The following MMS22L variants were observed in gnomAD, a reference collection of about 807,000 sequenced individuals.
MMS22L encodes the protein protein MMS22-like.
Under a neutral mutation model 159.1 loss-of-function variants are expected in MMS22L, and 74 were observed. The ratio of observed to expected loss-of-function variants is 0.47; its 90% CI spans 0.39 to 0.56. MMS22L has a LOEUF of 0.56. Ranked by LOEUF, MMS22L falls within the 20% of genes least tolerant of loss-of-function variation. The pLI is 0.00. For synonymous variants in MMS22L, 517 were observed against 506.9 expected, an observed-to-expected ratio of 1.02 and a Z score of -0.27; for missense variants, 1,351 against 1,422.1, an observed-to-expected ratio of 0.95 and a Z score of 0.80.
At chr6:97,163,795 C>CA (rs956353159) in intron 21 of MMS22L, among the ~76,000 whole-genome samples, 21 of 151,644 alleles carry the variant, frequency 1.4e-4, no homozygotes, top group Non-Finnish European at 2.5e-4. Context: ...GGATTTAGCC[C>CA]AAAAAAATGA....
rs567643918 is a variant in MMS22L at position 97,230,268 on chromosome 6, T to A, written c.1530-865A>T. 367 of 149,796 alleles carry A rather than the reference T, an allele frequency of 2.4e-3. 1 individual carries two copies. The highest frequency in any genetic ancestry group is 8.4e-3 in the African/African-American group (345 of 40,896). 9.3% of individuals were successfully genotyped at this position (149,796 alleles called of 1,614,324 possible). A position where few individuals can be genotyped will look rare whatever the true frequency, so the allele number is the denominator to read the frequency against. ...CGCACCACCACGCTTGGCTATTTTT[T>A]TTTTTTTTTTTTTTTTAGTAGAGAC... On this transcript the variant is annotated intron_variant, in intron 13 of 24. Transcript: ENST00000683635.
chr6:97,251,590 TATTA>T (rs1354052749), intron 10 of MMS22L, among the ~76,000 whole-genome samples: 4 of 152,246 alleles, frequency 2.6e-5, no homozygotes, highest in East Asian at 1.9e-4. Context: ...ATCCTTTTTC[TATTA>T]ATTATCACAG....
intron 8 of MMS22L, chr6:97,265,212 G>A (rs150318463): frequency 6.6e-5 from 10 of 152,226 alleles, no homozygotes; most frequent in African/African-American, 2.4e-4. Flanking sequence ...GAACAAAACA[G>A]AACAATTGAT....
At position 97,162,113 on chromosome 6, in the gene MMS22L, T is replaced by A. The variant is rs1367408249; in HGVS notation, c.3274A>T (p.Ile1092Phe). 2 of 1,611,710 alleles carry A rather than the reference T, an allele frequency of 1.2e-6. No individual in the cohort carries two copies. The highest frequency in any genetic ancestry group is 2.2e-5 in the South Asian group (2 of 90,740). The change falls in exon 22 of 25, where the codon ATT becomes TTT. Residue 1092 changes from isoleucine to phenylalanine, a missense_variant. Physicochemically the swap from Ile to Phe is conservative, Grantham distance 21. Coordinates refer to ENST00000683635, the MANE Select transcript of MMS22L (RefSeq NM_001350599.2). ...AAGAGTTGGAGGATGAAGGCCAGAA[T>A]GGATGCTAAGCGAGGAGGAGGTGAG... ...GSSPPPRLAS[I>F]LAFILQLFKE...
intron 18 of MMS22L, among the ~76,000 whole-genome samples, chr6:97,176,904 A>G (rs1804183347): frequency 6.6e-6 from 1 of 152,168 alleles, no homozygotes; most frequent in Admixed American, 6.5e-5. Flanking sequence ...AGTCCTATGA[A>G]TCACAGAACC....
chr6:97,170,970 C>A (rs976522799), intron 19 of MMS22L, among the ~76,000 whole-genome samples: 3 of 152,090 alleles, frequency 2.0e-5, no homozygotes, highest in African/African-American at 4.8e-5. Context: ...CACGTCACTG[C>A]ACTTCAGCAT....
At chr6:97,181,770 G>T in intron 16 of MMS22L, 134 bp downstream of exon 16, 1 of 871,826 alleles carries the variant, frequency 1.1e-6, no homozygotes, top group Non-Finnish European at 1.6e-6. Flanking sequence ...TGATATATCT[G>T]AAAGCAAAAA....
At chr6:97,282,681 C>T in intron 1 of MMS22L, 128 bp from the exon 2 acceptor site, 1 of 404,592 alleles carries the variant, frequency 2.5e-6, no homozygotes, top group Non-Finnish European at 4.1e-6. Flanking sequence ...CCCCCTCGCC[C>T]TCCGTCCATC....
intron 3 of MMS22L, among the ~76,000 whole-genome samples, chr6:97,279,169 T>A (rs1413762002): frequency 6.6e-6 from 1 of 152,210 alleles, no homozygotes; most frequent in Non-Finnish European, 1.5e-5. Flanking sequence ...GCCTTCACCA[T>A]CAGCAAGATA....
At position 97,281,263 on chromosome 6, in the gene MMS22L, T is replaced by G; in HGVS notation, c.264A>C (p.Ser88=). 6.2e-7 allele frequency: 1 copy of G among 1,610,090 alleles called. No individual in the cohort carries two copies. Among genetic ancestry groups the G allele is most frequent in the Non-Finnish European group, 8.5e-7 (1 of 1,179,072 alleles). The part of the protein sequence containing the change: ...QWVTETALVN[S]SRELFHLFRQ... Reference sequence around the variant, plus strand: ...TGAATAAATGAAAGAGTTCTCTAGATGAATTCACTAATGCTGTTTCAGTAA... The same window carrying G: ...TGAATAAATGAAAGAGTTCTCTAGAGGAATTCACTAATGCTGTTTCAGTAA... The change falls in exon 3 of 25, where the codon TCA becomes TCC. Residue 88 remains serine (S), a synonymous_variant. Coordinates refer to ENST00000683635, the MANE Select transcript of MMS22L (RefSeq NM_001350599.2).
At chr6:97,183,116 A>G (rs1446898652) in intron 15 of MMS22L, among the ~76,000 whole-genome samples, 1 of 152,078 alleles carries the variant, frequency 6.6e-6, no homozygotes, top group Non-Finnish European at 1.5e-5. Flanking sequence ...TTTCAATTGT[A>G]AAGTACCCCA....
chr6:97,271,843 T>C (rs975382198), intron 6 of MMS22L: 7 of 152,136 alleles, frequency 4.6e-5, no homozygotes, highest in African/African-American at 9.7e-5. Flanking sequence ...GGACTAACTT[T>C]TTAATTTTTT....
chr6:97,227,807 C>G (rs1176685232), intron 14 of MMS22L, among the ~76,000 whole-genome samples: 1 of 152,160 alleles, frequency 6.6e-6, no homozygotes, highest in African/African-American at 2.4e-5. Flanking sequence ...TAGTATTTAA[C>G]TTCTTAAGAA....
At chr6:97,256,740 C>G (rs1813854754) in intron 9 of MMS22L, among the ~76,000 whole-genome samples, 1 of 152,088 alleles carries the variant, frequency 6.6e-6, no homozygotes, top group Non-Finnish European at 1.5e-5. Context: ...TGCTTGAGGT[C>G]AGGTGTTCGA....
chr6:97,175,633 T>C (rs1804038347), intron 18 of MMS22L, among the ~76,000 whole-genome samples: 1 of 152,128 alleles, frequency 6.6e-6, no homozygotes, highest in Non-Finnish European at 1.5e-5. Flanking sequence ...GTTACACAGC[T>C]TCCCAATGTT....
At chr6:97,272,241 T>A (rs1157083790) in intron 6 of MMS22L, 1 of 152,530 alleles carries the variant, frequency 6.6e-6, no homozygotes, top group Non-Finnish European at 1.5e-5. Context: ...ACAATCTTAA[T>A]CACATTCCAA....
At chr6:97,241,322 A>G (rs1408884618) in intron 11 of MMS22L, among the ~76,000 whole-genome samples, 2 of 152,226 alleles carry the variant, frequency 1.3e-5, no homozygotes, top group Non-Finnish European at 2.9e-5. Flanking sequence ...ACACCTAGCC[A>G]TGGCACTGAT....
intron 19 of MMS22L, among the ~76,000 whole-genome samples, chr6:97,169,146 C>G (rs1015335078): frequency 1.3e-5 from 2 of 152,002 alleles, no homozygotes; most frequent in Non-Finnish European, 2.9e-5. Flanking sequence ...TTAATATAAA[C>G]AAACAAAATT....
At chr6:97,215,118 T>A (rs370592496) in intron 14 of MMS22L, among the ~76,000 whole-genome samples, 3,716 of 144,148 alleles carry the variant, frequency 0.026, 120 homozygotes, top group African/African-American at 0.076. Flanking sequence ...ATATATATTT[T>A]TTTTTTGCAT....
Sources: gnomAD v4.1 joint callset for allele counts (sites outside exome capture counted in the v4.1 genomes callset) on GRCh38, gnomAD v4.1.1 for gene constraint, MANE v1.5 for transcripts, NCBI Gene and HGNC (gene_info 2026-07-23, HGNC 2026-07-21) for gene names.